Variants in TBC1D14 observed in about 807,000 individuals in gnomAD.
TBC1D14 encodes TBC1 domain family member 14.
Under a neutral mutation model 79.0 loss-of-function variants are expected in TBC1D14, and 26 were observed. The observed-to-expected ratio is 0.33, with a 90% CI of 0.24 to 0.46. The LOEUF is 0.46. TBC1D14 is among the 20% of genes least tolerant of loss of function. TBC1D14 has a pLI of 1.00. For missense variants in TBC1D14, 769 were observed against 887.6 expected, an observed-to-expected ratio of 0.87 and a Z score of 1.70; for synonymous variants, 394 against 349.9, an observed-to-expected ratio of 1.13 and a Z score of -1.40.
intron 7 of TBC1D14, among the ~76,000 whole-genome samples, chr4:7,003,507 C>T (rs1046882354): frequency 2.0e-5 from 3 of 152,158 alleles, no homozygotes; most frequent in African/African-American, 7.2e-5. Flanking sequence ...ACCATAATAG[C>T]GAAACTAGAT....
intron 2 of TBC1D14, among the ~76,000 whole-genome samples, chr4:6,953,468 A>AAC (rs1714293207): frequency 7.0e-6 from 1 of 143,386 alleles, no homozygotes; most frequent in Admixed American, 6.9e-5. Context: ...AAAAAAAAAA[A>AAC]AAAATACAAA....
chr4:6,958,374 T>TACACAC (rs529020444), intron 2 of TBC1D14, among the ~76,000 whole-genome samples: 749 of 42,294 alleles, frequency 0.018, 3 homozygotes, highest in Middle Eastern at 0.089. Flanking sequence ...GATCCCCACA[T>TACACAC]ATACACACAC....
chr4:7,026,565 T>C (rs1291965656), intron 13 of TBC1D14, among the ~76,000 whole-genome samples: 1 of 152,186 alleles, frequency 6.6e-6, no homozygotes, highest in Non-Finnish European at 1.5e-5. Context: ...CTTCTCACTT[T>C]TTAGCCCTCT....
intron 12 of TBC1D14, among the ~76,000 whole-genome samples, chr4:7,024,652 C>T (rs10007295): frequency 0.42 from 64,099 of 152,120 alleles, 14,197 homozygotes; most frequent in East Asian, 0.59. Context: ...GAGCACCTAC[C>T]GTACGCTTGC....
At chr4:6,992,513 C>T (rs887206464) in intron 3 of TBC1D14, among the ~76,000 whole-genome samples, 6 of 152,320 alleles carry the variant, frequency 3.9e-5, no homozygotes, top group East Asian at 1.9e-4. Flanking sequence ...ACACAAAAGC[C>T]GATGGAAATG....
At chr4:6,963,574 C>A (rs144742893) in intron 2 of TBC1D14, among the ~76,000 whole-genome samples, 10 of 152,302 alleles carry the variant, frequency 6.6e-5, no homozygotes, top group African/African-American at 2.4e-4. Flanking sequence ...CCGGGCCCGG[C>A]CACAGCTACG....
At chr4:7,005,048 C>G (rs1040866163) in intron 8 of TBC1D14, 124 bp downstream of exon 8, 1 of 871,650 alleles carries the variant, frequency 1.1e-6, no homozygotes, top group Non-Finnish European at 1.7e-6. Flanking sequence ...AAAAGCTCCA[C>G]GAGAAAAGGG....
chr4:6,954,314 C>A, intron 2 of TBC1D14: 1 of 717,502 alleles, frequency 1.4e-6, no homozygotes, highest in Non-Finnish European at 2.6e-6. Context: ...ATGGCCATCT[C>A]CCCTGCGCTC....
intron 2 of TBC1D14, among the ~76,000 whole-genome samples, chr4:6,942,943 C>A (rs1329559303): frequency 6.6e-6 from 1 of 152,140 alleles, no homozygotes; most frequent in Non-Finnish European, 1.5e-5. Context: ...ATTCCTGGGA[C>A]AAATACATTA....
intron 2 of TBC1D14, among the ~76,000 whole-genome samples, chr4:6,935,516 G>A (rs1429335359): frequency 6.6e-6 from 1 of 151,942 alleles, no homozygotes; most frequent in Non-Finnish European, 1.5e-5. Flanking sequence ...TCTCGTGCGT[G>A]CTCTCTCCCT....
intron 3 of TBC1D14, among the ~76,000 whole-genome samples, chr4:6,985,694 C>T (rs1268878657): frequency 1.9e-5 from 2 of 104,192 alleles, no homozygotes; most frequent in Non-Finnish European, 3.9e-5. Flanking sequence ...ACAAATAGCA[C>T]AGGGACAGTG....
chr4:6,954,154 C>T, intron 2 of TBC1D14: 1 of 630,670 alleles, frequency 1.6e-6, no homozygotes, highest in Non-Finnish European at 2.9e-6. Flanking sequence ...GTCCAGCTTG[C>T]CTTCATCTGG....
Position 7,032,768 on chromosome 4 carries a change from T to C in TBC1D14, c.*2376T>C, listed in dbSNP as rs1723177989. 2 of 152,140 alleles carry C rather than the reference T, an allele frequency of 1.3e-5. No homozygotes were observed. Among genetic ancestry groups the C allele is most frequent in the African/African-American group, 4.8e-5 (2 of 41,434 alleles). The allele number at this position is 152,140 out of a possible 1,614,324, so 9.4% of individuals were successfully genotyped here. ...AAATGAGACATTGACGTGCTGCTCC[T>C]CCAGAGGTCTGCACACTCCACTTCA... On this transcript the variant is annotated 3_prime_UTR_variant, in exon 14 of 14. Transcript: ENST00000409757.
At chr4:6,979,177 C>T (rs1333960113) in intron 3 of TBC1D14, among the ~76,000 whole-genome samples, 1 of 151,960 alleles carries the variant, frequency 6.6e-6, no homozygotes, top group African/African-American at 2.4e-5. Context: ...AAGCTTGAAT[C>T]AAGACAGGAA....
At chr4:7,018,602 C>T (rs971221180) in intron 12 of TBC1D14, among the ~76,000 whole-genome samples, 2 of 152,230 alleles carry the variant, frequency 1.3e-5, no homozygotes, top group Admixed American at 6.5e-5. Flanking sequence ...GGTCCCTTTT[C>T]CAGTGCACCC....
In TBC1D14 at chr4:7,030,449, T is replaced by G; in HGVS notation, c.*57T>G. On this transcript the variant is annotated 3_prime_UTR_variant, in exon 14 of 14. Coordinates refer to ENST00000409757, the MANE Select transcript of TBC1D14 (RefSeq NM_020773.3). ...TCAGAGCCCCATGCCGCGGCCCCTCTGTTGTTTCAGACTGACACCCGGGCA... is the reference window on the plus strand; with the variant it reads ...TCAGAGCCCCATGCCGCGGCCCCTCGGTTGTTTCAGACTGACACCCGGGCA... 1.3e-6 allele frequency: 2 copies of G among 1,587,268 alleles called. No individual in the cohort carries two copies. The highest frequency in any genetic ancestry group is 1.7e-6 in the Non-Finnish European group (2 of 1,157,164).
At chr4:6,989,597 C>T (rs1718276685) in intron 3 of TBC1D14, among the ~76,000 whole-genome samples, 1 of 152,180 alleles carries the variant, frequency 6.6e-6, no homozygotes, top group Non-Finnish European at 1.5e-5. Flanking sequence ...TGTGTGGGAG[C>T]CTCTGCCTGC....
chr4:7,027,955 C>CCA (rs1172818501), intron 13 of TBC1D14, among the ~76,000 whole-genome samples: 5 of 139,990 alleles, frequency 3.6e-5, no homozygotes, highest in Non-Finnish European at 3.1e-5. Flanking sequence ...AGATCACCCC[C>CCA]CACACACACA....
chr4:6,919,781 C>G (rs571103599), intron 1 of TBC1D14, among the ~76,000 whole-genome samples: 2 of 152,014 alleles, frequency 1.3e-5, no homozygotes, highest in African/African-American at 4.8e-5. Context: ...CCACCATGCC[C>G]AGCTAATTTT....
Sources: gnomAD v4.1 joint callset for allele counts (sites outside exome capture counted in the v4.1 genomes callset) on GRCh38, gnomAD v4.1.1 for gene constraint, MANE v1.5 for transcripts, NCBI Gene and HGNC (gene_info 2026-07-23, HGNC 2026-07-21) for gene names.